Variants in GUCY2F observed in about 807,000 individuals in gnomAD.
The protein encoded by GUCY2F is retinal guanylyl cyclase 2.
Under a neutral mutation model 73.1 loss-of-function variants are expected in GUCY2F, and 61 were observed. That is an observed-to-expected ratio of 0.83 (90% CI 0.68 to 1.03). The LOEUF (loss-of-function observed/expected upper bound fraction) is 1.03, where lower values mean the gene tolerates loss of function less well. GUCY2F is among the 50% of genes least tolerant of loss of function. The pLI is 0.00. For synonymous variants in GUCY2F, 331 were observed against 307.8 expected, an observed-to-expected ratio of 1.08 and a Z score of -0.79; for missense variants, 912 against 854.3, an observed-to-expected ratio of 1.07 and a Z score of -0.84.
rs1372411160 is a variant in GUCY2F, at chrX:109,475,466, G to T, written c.471C>A (p.Asp157Glu). The T allele has an allele frequency of 8.3e-7, 1 of 1,211,115 alleles. No homozygotes were observed. The change falls in exon 2 of 20, where the codon GAC becomes GAA. Residue 157 changes from aspartate to glutamate, a missense_variant. Coordinates refer to ENST00000218006, the MANE Select transcript of GUCY2F (RefSeq NM_001522.3). ...AAAAGGTCGGGTAGCTAATTTTATT[G>T]TCTAATTCATAATTCACACAAGCCC... Reference protein sequence around the residue: ...FSWACVNYELDNKISYPTFSR... With the variant: ...FSWACVNYELENKISYPTFSR...
At chrX:109,451,403 AG>A (rs1301503464) in intron 5 of GUCY2F, among the ~76,000 whole-genome samples, 2 of 111,970 alleles carry the variant, frequency 1.8e-5, no homozygotes, top group African/African-American at 6.5e-5. Context: ...CCTGGACAAA[AG>A]GCATGAGTAT....
chrX:109,403,387 A>C (rs964663898), intron 10 of GUCY2F, among the ~76,000 whole-genome samples: 2 of 111,845 alleles, frequency 1.8e-5, no homozygotes, highest in Non-Finnish European at 3.8e-5. Context: ...TTATCTTATT[A>C]TATCCAATTA....
Position 109,475,579 on chromosome X carries a change from C to T in GUCY2F, c.358G>A (p.Ala120Thr). 2 of 1,211,351 alleles carry T rather than the reference C, an allele frequency of 1.7e-6. No individual in the cohort carries two copies. The highest frequency in any genetic ancestry group is 2.2e-6 in the Non-Finnish European group (2 of 895,138). The change falls in exon 2 of 20, where the codon GCC becomes ACC. Residue 120 changes from alanine to threonine, a missense_variant. Coordinates refer to ENST00000218006, the MANE Select transcript of GUCY2F (RefSeq NM_001522.3). ...TTGGTAGGTCCAATAAATCCTGAGG[C>T]CATCTGGTGGTGGGAAATGAAACTG... is the stretch of plus-strand genomic sequence containing the variant. ...LSSFISHHQM[A>T]SGFIGPTNPG...
At chrX:109,438,813 T>C (rs989025744) in intron 7 of GUCY2F, among the ~76,000 whole-genome samples, 1 of 112,768 alleles carries the variant, frequency 8.9e-6, no homozygotes, top group Admixed American at 9.3e-5. Flanking sequence ...CCACTAAGCA[T>C]TGTACTAGTG....
At chrX:109,404,265 A>G in intron 10 of GUCY2F, 63 bp downstream of exon 10, 1 of 807,010 alleles carries the variant, frequency 1.2e-6, no homozygotes. Flanking sequence ...AATTCAGTGC[A>G]TATTTTCATT....
At chrX:109,383,593 C>T (rs938488781) in intron 16 of GUCY2F, 1 of 124,830 alleles carries the variant, frequency 8.0e-6, no homozygotes, top group African/African-American at 3.2e-5. Context: ...GGGTCATAGT[C>T]ATTAGCTTTT....
chrX:109,420,731 T>C (rs1421944320), intron 8 of GUCY2F, among the ~76,000 whole-genome samples: 1 of 111,689 alleles, frequency 9.0e-6, no homozygotes, highest in East Asian at 2.8e-4. Flanking sequence ...TCAAAAACTT[T>C]AGTCATCAAG....
chrX:109,452,191 C>T (rs1932150433), intron 4 of GUCY2F, 84 bp from the exon 5 acceptor site: 2 of 580,459 alleles, frequency 3.4e-6, no homozygotes, highest in African/African-American at 2.2e-5. Flanking sequence ...ACTCCTCATG[C>T]TTTCTGGTGA....
At chrX:109,462,529 T>G (rs895585377) in intron 3 of GUCY2F, among the ~76,000 whole-genome samples, 4 of 112,428 alleles carry the variant, frequency 3.6e-5, no homozygotes, top group African/African-American at 9.7e-5. Context: ...TTCTATTTCC[T>G]TGTGTAAAGC....
intron 14 of GUCY2F, among the ~76,000 whole-genome samples, chrX:109,389,863 A>G (rs147430067): frequency 1.0e-3 from 112 of 111,381 alleles, no homozygotes; most frequent in Non-Finnish European, 5.1e-4. Flanking sequence ...GCAATCAGCA[A>G]TAGGCTCCTC....
intron 6 of GUCY2F, among the ~76,000 whole-genome samples, chrX:109,442,829 C>T (rs1372824115): frequency 1.3e-4 from 14 of 111,613 alleles, no homozygotes; most frequent in Non-Finnish European, 1.1e-4. Flanking sequence ...ATCTATTTCC[C>T]TTTCATTCTT....
At chrX:109,439,376 C>T (rs1297608237) in intron 7 of GUCY2F, among the ~76,000 whole-genome samples, 2 of 111,732 alleles carry the variant, frequency 1.8e-5, no homozygotes, top group Non-Finnish European at 3.8e-5. Flanking sequence ...TCCCATTCTC[C>T]CGTCATCTTG....
chrX:109,447,541 G>GCT (rs1167646149), intron 6 of GUCY2F, among the ~76,000 whole-genome samples: 28 of 105,060 alleles, frequency 2.7e-4, no homozygotes, highest in African/African-American at 9.8e-4. Context: ...AACCAAACAT[G>GCT]GCATGTTCTC....
intron 9 of GUCY2F, among the ~76,000 whole-genome samples, chrX:109,408,497 G>C (rs1931025545): frequency 8.9e-6 from 1 of 111,990 alleles, no homozygotes; most frequent in South Asian, 3.8e-4. Context: ...GAAATGTGAG[G>C]ACATGAGACT....
chrX:109,415,549 A>C (rs1931219676), intron 8 of GUCY2F, among the ~76,000 whole-genome samples: 2 of 112,427 alleles, frequency 1.8e-5, no homozygotes, highest in African/African-American at 3.2e-5. Flanking sequence ...ATTTGGAAGC[A>C]GCATGGATTG....
chrX:109,379,251 A>T (rs780628304), intron 17 of GUCY2F, among the ~76,000 whole-genome samples: 41 of 112,315 alleles, frequency 3.7e-4, no homozygotes, highest in Non-Finnish European at 6.6e-4. Flanking sequence ...TGATGGTGTA[A>T]GAACACAAAA....
At chrX:109,430,709 A>T (rs1401629470) in intron 7 of GUCY2F, among the ~76,000 whole-genome samples, 1 of 112,311 alleles carries the variant, frequency 8.9e-6, no homozygotes, top group Non-Finnish European at 1.9e-5. Flanking sequence ...AGGTCATTTC[A>T]CTTTTTCATA....
chrX:109,398,838 C>T, intron 10 of GUCY2F, 140 bp from the exon 11 acceptor site: 2 of 501,259 alleles, frequency 4.0e-6, no homozygotes. Context: ...TGCCCCCCAT[C>T]CCCCAGGGTC....
chrX:109,388,415 ATCTTTTTCCCTT>A (rs1237451442), intron 15 of GUCY2F, 62 bp downstream of exon 15: 1 of 822,031 alleles, frequency 1.2e-6, no homozygotes, highest in Non-Finnish European at 1.8e-6. Flanking sequence ...GGGGAGAGCT[ATCTTTTTCCCTT>A]TCTTTTTTAG....
Sources: allele counts gnomAD v4.1 joint callset (sites outside exome capture counted in the v4.1 genomes callset), GRCh38; gene constraint gnomAD v4.1.1; transcripts MANE v1.5; gene names NCBI Gene and HGNC (gene_info 2026-07-23, HGNC 2026-07-21).